ARHGEF37: variants seen among roughly 807,000 people sequenced by gnomAD.
ARHGEF37 encodes Rho guanine nucleotide exchange factor 37, also known as Rho guanine nucleotide exchange factor (GEF) 37.
Under a neutral mutation model 71.1 loss-of-function variants are expected in ARHGEF37, and 55 were observed. That is an observed-to-expected ratio of 0.77 (90% CI 0.62 to 0.97). The LOEUF (loss-of-function observed/expected upper bound fraction) is 0.97, where lower values mean the gene tolerates loss of function less well. Ranked by LOEUF, ARHGEF37 falls within the 50% of genes least tolerant of loss-of-function variation. The pLI is 0.00. For synonymous variants in ARHGEF37, 327 were observed against 350.6 expected (o/e 0.93, Z 0.75); for missense variants, 765 against 836.8 (o/e 0.91, Z 1.06).
upstream of ARHGEF37, among the ~76,000 whole-genome samples, chr5:149,581,319 G>T (rs1196046253): frequency 6.6e-6 from 1 of 152,234 alleles, no homozygotes; most frequent in Non-Finnish European, 1.5e-5. Flanking sequence ...CAATCCTTCG[G>T]GTTGGCTGCC....
At chr5:149,554,388 CT>C (rs931709462) in intron 1 of ARHGEF37, among the ~76,000 whole-genome samples, 1 of 151,818 alleles carries the variant, frequency 6.6e-6, no homozygotes, top group African/African-American at 2.4e-5. Flanking sequence ...TCCTCCTCGC[CT>C]TTTTTTTAGA....
At chr5:149,592,072 T>C (rs1763423842) in intron 1 of ARHGEF37, among the ~76,000 whole-genome samples, 1 of 152,242 alleles carries the variant, frequency 6.6e-6, no homozygotes, top group Admixed American at 6.5e-5. Context: ...CCCTCTGTAC[T>C]GTTCACCCAT....
intron 1 of ARHGEF37, among the ~76,000 whole-genome samples, chr5:149,584,754 TG>T (rs904551583): frequency 3.3e-5 from 5 of 152,116 alleles, no homozygotes; most frequent in Admixed American, 2.0e-4. Flanking sequence ...GGATTGTAGC[TG>T]GGATTACAGG....
intron 2 of ARHGEF37, among the ~76,000 whole-genome samples, chr5:149,598,765 GATATAGATATAGAT>G (rs200873152): frequency 0.25 from 35,574 of 139,750 alleles, 5,113 homozygotes; most frequent in Admixed American, 0.41. Flanking sequence ...TATAGATATA[GATATAGATATAGAT>G]ATATAGATAT....
intron 6 of ARHGEF37, among the ~76,000 whole-genome samples, chr5:149,618,541 G>A (rs971753095): frequency 6.6e-6 from 1 of 152,248 alleles, no homozygotes; most frequent in Admixed American, 6.5e-5. Context: ...AGATAGGAGA[G>A]CTGGTCTCTG....
chr5:149,618,132 A>T (rs1400543426), intron 5 of ARHGEF37, 44 bp from the exon 6 acceptor site: 5 of 1,610,648 alleles, frequency 3.1e-6, no homozygotes, highest in Non-Finnish European at 4.2e-6. Flanking sequence ...CACTTTCCTG[A>T]GTTGGCTTGA....
chr5:149,580,455 A>C (rs184437611), upstream of ARHGEF37, among the ~76,000 whole-genome samples: 19 of 152,168 alleles, frequency 1.2e-4, no homozygotes, highest in African/African-American at 4.1e-4. Flanking sequence ...TCTGGTTTTC[A>C]TGTTTTTCTG....
At chr5:149,585,398 A>T (rs1763203137) in intron 1 of ARHGEF37, among the ~76,000 whole-genome samples, 1 of 152,366 alleles carries the variant, frequency 6.6e-6, no homozygotes. Flanking sequence ...ATATAACAGA[A>T]TTCTGCTAAG....
At chr5:149,575,975 G>A (rs1320353016) in intron 1 of ARHGEF37, among the ~76,000 whole-genome samples, 1 of 152,134 alleles carries the variant, frequency 6.6e-6, no homozygotes, top group Non-Finnish European at 1.5e-5. Context: ...GCCAGGCACA[G>A]TGGCTCATGC....
chr5:149,579,079 G>GT, upstream of ARHGEF37, among the ~76,000 whole-genome samples: 1 of 152,320 alleles, frequency 6.6e-6, no homozygotes, highest in South Asian at 2.1e-4. Context: ...CCCGGGGAGT[G>GT]TTGACACTTA....
At chr5:149,598,480 T>C (rs962066514) in intron 2 of ARHGEF37, among the ~76,000 whole-genome samples, 2 of 150,944 alleles carry the variant, frequency 1.3e-5, no homozygotes, top group Non-Finnish European at 3.0e-5. Context: ...TTTTTCCTCT[T>C]CTTCTTCTTC....
At chr5:149,589,540 C>T (rs1357698542) in intron 1 of ARHGEF37, among the ~76,000 whole-genome samples, 1 of 152,032 alleles carries the variant, frequency 6.6e-6, no homozygotes, top group African/African-American at 2.4e-5. Flanking sequence ...CCTCTTGTTG[C>T]CCAAGCTGGA....
At chr5:149,603,395 G>A (rs545065447) in intron 3 of ARHGEF37, among the ~76,000 whole-genome samples, 1 of 152,254 alleles carries the variant, frequency 6.6e-6, no homozygotes, top group African/African-American at 2.4e-5. Context: ...ACAGAGAGAG[G>A]CAATAACCTG....
Position 149,616,549 on chromosome 5 carries a change from AC to A in ARHGEF37, c.459-16del. 6.3e-7 allele frequency: 1 copy of A among 1,593,668 alleles called. No individual in the cohort carries two copies. The highest frequency in any genetic ancestry group is 8.6e-7 in the Non-Finnish European group (1 of 1,168,286). ...AGAGGGTGGGATTTACCTGCCTAAT[AC>A]CAGCCTTCTCCCTCAGGCCGCAAGC... is the stretch of plus-strand genomic sequence containing the variant. On this transcript the variant is annotated splice_polypyrimidine_tract_variant and intron_variant, in intron 4 of 12. Transcript: ENST00000333677.
At chr5:149,573,079 C>T (rs1037181842) in intron 1 of ARHGEF37, among the ~76,000 whole-genome samples, 4 of 152,150 alleles carry the variant, frequency 2.6e-5, no homozygotes, top group Non-Finnish European at 1.5e-5. Context: ...ACCCAAGGGG[C>T]ATCCTGGCTT....
chr5:149,592,748 GT>G (rs752061412), intron 1 of ARHGEF37, among the ~76,000 whole-genome samples: 7 of 151,706 alleles, frequency 4.6e-5, no homozygotes, highest in African/African-American at 1.2e-4. Flanking sequence ...ACGTTTTCTT[GT>G]TTTTTTTGGT....
upstream of ARHGEF37, among the ~76,000 whole-genome samples, chr5:149,578,426 G>C (rs1763051328): frequency 6.6e-6 from 1 of 152,148 alleles, no homozygotes; most frequent in African/African-American, 2.4e-5. Flanking sequence ...AAGGAAAGGG[G>C]CTGTTGTCTC....
intron 4 of ARHGEF37, among the ~76,000 whole-genome samples, chr5:149,615,444 T>C (rs779456502): frequency 6.6e-5 from 10 of 152,112 alleles, no homozygotes; most frequent in Non-Finnish European, 1.3e-4. Context: ...ATGTGATAGA[T>C]ACATACCCAC....
In ARHGEF37 at chr5:149,609,707, G is replaced by A. The variant is rs747100951; in HGVS notation, c.458+12G>A. 16 of 1,611,940 alleles carry A rather than the reference G, an allele frequency of 9.9e-6. No individual in the cohort carries two copies. The highest frequency in any genetic ancestry group is 6.7e-5 in the African/African-American group (5 of 74,850). On this transcript the variant is annotated intron_variant, in intron 4 of 12. Coordinates refer to ENST00000333677, the MANE Select transcript of ARHGEF37 (RefSeq NM_001001669.3). Reference sequence around the variant, plus strand: ...GTTGAGGCGGTGGTGTGAGTAGAACGGCCAGTGAGCACTCGCTCCTACCCC... The same window carrying A: ...GTTGAGGCGGTGGTGTGAGTAGAACAGCCAGTGAGCACTCGCTCCTACCCC...
Sources: allele counts gnomAD v4.1 joint callset (sites outside exome capture counted in the v4.1 genomes callset), GRCh38; gene constraint gnomAD v4.1.1; transcripts MANE v1.5; gene names NCBI Gene and HGNC (gene_info 2026-07-23, HGNC 2026-07-21).